PRMT3: variants seen among roughly 807,000 people sequenced by gnomAD.
PRMT3 encodes protein arginine methyltransferase 3.
PRMT3 carries 62 observed loss-of-function variants against 71.9 expected under a neutral mutation model. The observed-to-expected ratio is 0.86, with a 90% CI of 0.70 to 1.07. The LOEUF (loss-of-function observed/expected upper bound fraction) is 1.07. Ranked by LOEUF, PRMT3 falls within the 50% of genes least tolerant of loss-of-function variation. The pLI is 0.00. For missense variants in PRMT3, 663 were observed against 643.0 expected (o/e 1.03, Z -0.34); for synonymous variants, 213 against 220.4 (o/e 0.97, Z 0.30).
At position 20,472,867 on chromosome 11, in the gene PRMT3, G is replaced by T. The variant is rs549506190; in HGVS notation, c.1347+8321G>T. Among the ~76,000 whole-genome samples the T allele has an allele frequency of 3.3e-5, 5 of 149,936 alleles. No homozygotes were observed. The South Asian group carries it at 1.1e-3, about 32-fold the overall frequency. ...TGGTCCTGGGCTTTTTTTGGAGGGTGGGGGGTGGAGGGTGGGGAGGTGTTG... is the reference window on the plus strand; with the variant it reads ...TGGTCCTGGGCTTTTTTTGGAGGGTTGGGGGTGGAGGGTGGGGAGGTGTTG... On this transcript the variant is annotated intron_variant, in intron 13 of 15. Coordinates refer to ENST00000331079, the MANE Select transcript of PRMT3 (RefSeq NM_005788.4).
intron 10 of PRMT3, among the ~76,000 whole-genome samples, chr11:20,442,031 G>T (rs947426745): frequency 1.3e-5 from 2 of 152,174 alleles, no homozygotes; most frequent in East Asian, 3.9e-4. Context: ...GACCTCAGGT[G>T]ATCTGCCTGC....
chr11:20,406,831 A>G (rs1263582192), intron 8 of PRMT3: 1 of 152,100 alleles, frequency 6.6e-6, no homozygotes, highest in Non-Finnish European at 1.5e-5. Context: ...GTTTTTTGAT[A>G]ATAGCTATCC....
At chr11:20,426,293 A>G (rs958994778) in intron 9 of PRMT3, among the ~76,000 whole-genome samples, 5 of 152,210 alleles carry the variant, frequency 3.3e-5, no homozygotes, top group African/African-American at 1.2e-4. Flanking sequence ...GGAGTAGCAC[A>G]GGCTCAACGA....
chr11:20,466,780 G>GA (rs531709391), intron 13 of PRMT3, among the ~76,000 whole-genome samples: 5 of 151,984 alleles, frequency 3.3e-5, no homozygotes, highest in East Asian at 1.9e-4. Context: ...AACAAAACAA[G>GA]AAAAAAATTG....
At chr11:20,407,769 G>T (rs868541459) in intron 8 of PRMT3, 142 bp from the exon 9 acceptor site, 2 of 756,484 alleles carry the variant, frequency 2.6e-6, no homozygotes, top group Middle Eastern at 4.1e-4. Context: ...GATTACAGGC[G>T]TGAGCCACCG....
rs1362247397 is a variant in PRMT3, at chr11:20,508,667, T to TC, written c.*257dup. The TC allele has an allele frequency of 1.7e-6, 1 of 589,704 alleles. No homozygotes were observed. The highest frequency in any genetic ancestry group is 3.2e-6 in the Non-Finnish European group (1 of 313,588). The allele number at this position is 589,704 out of a possible 1,614,324, so 36.5% of individuals were successfully genotyped here. A position where few individuals can be genotyped will look rare whatever the true frequency, so the allele number is the denominator to read the frequency against. On this transcript the variant is annotated 3_prime_UTR_variant, in exon 16 of 16. Transcript: ENST00000331079. ...TCCACCAGATTTAACCAAATGTAAC[T>TC]CCCACATTGAGTTTATCTATATTGA... is the stretch of plus-strand genomic sequence containing the variant.
chr11:20,493,271 A>G (rs993770140), intron 13 of PRMT3, among the ~76,000 whole-genome samples: 16 of 152,246 alleles, frequency 1.1e-4, no homozygotes, highest in African/African-American at 2.4e-4. Flanking sequence ...GTAACATTTT[A>G]AAAATCTTTA....
chr11:20,480,088 G>A (rs1247441813), intron 13 of PRMT3, among the ~76,000 whole-genome samples: 1 of 152,154 alleles, frequency 6.6e-6, no homozygotes, highest in Non-Finnish European at 1.5e-5. Context: ...CATTTGGAAG[G>A]ATCGCTTGAA....
intron 13 of PRMT3, among the ~76,000 whole-genome samples, chr11:20,488,484 C>T (rs896324421): frequency 6.6e-6 from 1 of 152,102 alleles, no homozygotes; most frequent in Admixed American, 6.6e-5. Context: ...TATAGTGATT[C>T]TGCTGCATGG....
chr11:20,490,814 C>CTTG (rs10673156), intron 13 of PRMT3, among the ~76,000 whole-genome samples: 146,994 of 152,180 alleles, frequency 0.97, 71,301 homozygotes, highest in Middle Eastern at 1. Context: ...GTTTTCTGTT[C>CTTG]TTGTTGTTCC....
chr11:20,389,850 CA>C, intron 3 of PRMT3, 24 bp downstream of exon 3: 1 of 1,569,738 alleles, frequency 6.4e-7, no homozygotes, highest in Non-Finnish European at 8.8e-7. Context: ...AGAATAAAGG[CA>C]ATTTAATTTG....
chr11:20,405,169 A>T (rs1004796332), intron 8 of PRMT3, among the ~76,000 whole-genome samples: 81 of 151,736 alleles, frequency 5.3e-4, no homozygotes, highest in African/African-American at 1.5e-3. Flanking sequence ...TGTGGAGGCC[A>T]TATGGTTTCT....
intron 9 of PRMT3, among the ~76,000 whole-genome samples, chr11:20,412,284 T>A (rs1418955536): frequency 6.6e-6 from 1 of 152,150 alleles, no homozygotes; most frequent in Admixed American, 6.6e-5. Context: ...CAATCATTAC[T>A]AGAGTCATGG....
intron 13 of PRMT3, among the ~76,000 whole-genome samples, chr11:20,477,806 C>A (rs865943384): frequency 3.6e-5 from 5 of 139,560 alleles, no homozygotes; most frequent in East Asian, 2.4e-4. Flanking sequence ...GGAGAAACCC[C>A]CCCCCCCCAC....
intron 9 of PRMT3, among the ~76,000 whole-genome samples, chr11:20,419,381 A>G (rs1413771071): frequency 2.6e-5 from 4 of 152,196 alleles, no homozygotes; most frequent in Non-Finnish European, 5.9e-5. Flanking sequence ...TAGGCAATCT[A>G]TGTGTATATT....
At chr11:20,395,180 A>G (rs1201419911) in intron 5 of PRMT3, among the ~76,000 whole-genome samples, 1 of 152,110 alleles carries the variant, frequency 6.6e-6, no homozygotes, top group Admixed American at 6.5e-5. Flanking sequence ...AATAAATATT[A>G]GGTTTTTTTC....
chr11:20,414,390 A>G (rs1849256422), intron 9 of PRMT3, among the ~76,000 whole-genome samples: 1 of 152,168 alleles, frequency 6.6e-6, no homozygotes, highest in Non-Finnish European at 1.5e-5. Context: ...CTGAGATGTT[A>G]TGTTAGTAAG....
intron 13 of PRMT3, among the ~76,000 whole-genome samples, chr11:20,488,376 CTCTT>C (rs1191712665): frequency 1.3e-5 from 2 of 152,152 alleles, no homozygotes; most frequent in Non-Finnish European, 2.9e-5. Context: ...TGTCTGCTTA[CTCTT>C]TCTTTGCTTG....
chr11:20,387,820 C>A lies in PRMT3; in HGVS notation c.28+46C>A. The A allele has an allele frequency of 6.5e-7, 1 of 1,540,020 alleles. No individual in the cohort carries two copies. Among genetic ancestry groups the A allele is most frequent in the Non-Finnish European group, 8.7e-7 (1 of 1,145,654 alleles). On this transcript the variant is annotated intron_variant, in intron 1 of 15. Coordinates refer to ENST00000331079, the MANE Select transcript of PRMT3 (RefSeq NM_005788.4). This position sits in a 1 kb window ranked among gnomAD's most constrained non-coding sequence, Gnocchi z 4.3. ...GCACCCGGCTCGTCCAGCCCCAGGC[C>A]GCGCCGCTGTGGGGCCGGTGGAAGA...
Sources: gnomAD v4.1 joint callset for allele counts (sites outside exome capture counted in the v4.1 genomes callset) on GRCh38, gnomAD v4.1.1 for gene constraint, Gnocchi (gnomAD v3.1) non-coding constraint, MANE v1.5 for transcripts, NCBI Gene and HGNC (gene_info 2026-07-23, HGNC 2026-07-21) for gene names.